Variants in ENDOV observed in about 807,000 individuals in gnomAD.
ENDOV encodes hEndoV.
ENDOV carries 37 observed loss-of-function variants against 39.4 expected under a neutral mutation model. The observed-to-expected ratio is 0.94, with a 90% CI of 0.72 to 1.23. The LOEUF (loss-of-function observed/expected upper bound fraction) is 1.23, where lower values mean the gene tolerates loss of function less well. ENDOV is among the 50% of genes most tolerant of loss of function. ENDOV has a pLI of 0.00. For missense variants in ENDOV, 441 were observed against 375.7 expected (o/e 1.17, Z -1.44); for synonymous variants, 186 against 163.4 (o/e 1.14, Z -1.05).
In ENDOV at chr17:80,436,120, C is replaced by T. The variant is rs1307488738; in HGVS notation, c.839-13C>T. On this transcript the variant is annotated splice_polypyrimidine_tract_variant and intron_variant, in intron 9 of 9. Coordinates refer to ENST00000518137, the MANE Select transcript of ENDOV (RefSeq NM_173627.5). Reference sequence around the variant, plus strand: ...TCTTTTTCTTGCCTCATTGCTCTGGCTGGAACGTCTAGCACTTTGTTGAAC... The same window carrying T: ...TCTTTTTCTTGCCTCATTGCTCTGGTTGGAACGTCTAGCACTTTGTTGAAC... The T allele has an allele frequency of 3.7e-6, 6 of 1,610,652 alleles. No individual in the cohort carries two copies. The highest frequency in any genetic ancestry group is 4.2e-6 in the Non-Finnish European group (5 of 1,179,370).
At position 80,428,397 on chromosome 17, in the gene ENDOV, G is replaced by A. The variant is rs1052244250; in HGVS notation, c.715-199G>A. The A allele has an allele frequency of 2.0e-5, 12 of 595,682 alleles. No individual in the cohort carries two copies. In the African/African-American group the frequency reaches 2.1e-4, roughly 10 times the overall value. 36.9% of individuals were successfully genotyped at this position (595,682 alleles called of 1,614,324 possible). A position where few individuals can be genotyped will look rare whatever the true frequency, so the allele number is the denominator to read the frequency against. Reference sequence around the variant, plus strand: ...TCGGTTTGAGAGCTGCCATTGCGGGGCTTTGACCCCAAAGTCCCAGGCATG... The same window carrying A: ...TCGGTTTGAGAGCTGCCATTGCGGGACTTTGACCCCAAAGTCCCAGGCATG... On this transcript the variant is annotated intron_variant, in intron 7 of 9. Coordinates refer to ENST00000518137, the MANE Select transcript of ENDOV (RefSeq NM_173627.5).
chr17:80,429,623 G>C, intron 8 of ENDOV, 150 bp from the exon 9 acceptor site: 1 of 699,160 alleles, frequency 1.4e-6, no homozygotes, highest in Non-Finnish European at 2.3e-6. Flanking sequence ...GCGTGTCTGA[G>C]CAGCGTGCTC....
intron 9 of ENDOV, 128 bp from the exon 10 acceptor site, chr17:80,436,005 T>C: frequency 9.8e-7 from 1 of 1,023,158 alleles, no homozygotes; most frequent in Non-Finnish European, 1.5e-6. Flanking sequence ...TCCTCCCACC[T>C]CGGCCTCCCC....
At chr17:80,423,484 C>T (rs1156904464) in intron 4 of ENDOV, 36 bp from the exon 5 acceptor site, 1 of 1,286,692 alleles carries the variant, frequency 7.8e-7, no homozygotes, top group African/African-American at 1.5e-5. Context: ...GCCCCAGCCC[C>T]ACCTCCCCAA....
At chr17:80,426,100 G>A (rs191679996) in intron 7 of ENDOV, among the ~76,000 whole-genome samples, 54 of 152,228 alleles carry the variant, frequency 3.5e-4, no homozygotes, top group Middle Eastern at 6.8e-3. Flanking sequence ...ACTGGTGTTC[G>A]GTCCCCCAGG....
chr17:80,425,925 A>T (rs1245747091), intron 7 of ENDOV, among the ~76,000 whole-genome samples: 1 of 152,102 alleles, frequency 6.6e-6, no homozygotes, highest in Non-Finnish European at 1.5e-5. Flanking sequence ...AGAATCAGTG[A>T]TGTTAGCTCA....
At position 80,437,853 on chromosome 17, in the gene ENDOV, A is replaced by G. The variant is rs922692459; in HGVS notation, c.*1710A>G. On this transcript the variant is annotated 3_prime_UTR_variant, in exon 10 of 10. Coordinates refer to ENST00000518137, the MANE Select transcript of ENDOV (RefSeq NM_173627.5). The stretch of plus-strand genomic sequence containing the variant: ...GATTATGCTTCTGTAATCTGTAACC[A>G]GAAGTGCTCTTATGCCCAAACCTTG... 6.6e-6 allele frequency: 1 copy of G among 152,222 alleles called. No individual in the cohort carries two copies. The highest frequency in any genetic ancestry group is 1.5e-5 in the Non-Finnish European group (1 of 68,050). 9.4% of individuals were successfully genotyped at this position (152,222 alleles called of 1,614,324 possible). A position where few individuals can be genotyped will look rare whatever the true frequency, so the allele number is the denominator to read the frequency against.
chr17:80,416,019 C>G, intron 2 of ENDOV, 198 bp downstream of exon 2: 2 of 584,886 alleles, frequency 3.4e-6, no homozygotes, highest in East Asian at 7.6e-5. Flanking sequence ...GGGGGAATCA[C>G]CTGAGGTCGG....
At chr17:80,433,374 GTCA>G (rs2083440005) in intron 9 of ENDOV, among the ~76,000 whole-genome samples, 1 of 152,242 alleles carries the variant, frequency 6.6e-6, no homozygotes, top group Non-Finnish European at 1.5e-5. Context: ...CCACAAGGCC[GTCA>G]GTCCGCCATG....
chr17:80,431,691 G>A (rs979775363), intron 9 of ENDOV, among the ~76,000 whole-genome samples: 1 of 152,214 alleles, frequency 6.6e-6, no homozygotes, highest in Non-Finnish European at 1.5e-5. Flanking sequence ...TGGGCCTGTC[G>A]GGGATCTAGC....
At chr17:80,417,271 C>T (rs2081338426) in intron 2 of ENDOV, 1 of 152,298 alleles carries the variant, frequency 6.6e-6, no homozygotes, top group Non-Finnish European at 1.5e-5. Flanking sequence ...ATTTGGCGGC[C>T]TGACCTTTGC....
In ENDOV at chr17:80,437,583, G is replaced by C. The variant is rs776279919; in HGVS notation, c.*1440G>C. The C allele has an allele frequency of 2.0e-5, 3 of 152,478 alleles. No homozygotes were observed. Among genetic ancestry groups the C allele is most frequent in the African/African-American group, 7.2e-5 (3 of 41,448 alleles). The allele number at this position is 152,478 out of a possible 1,614,324, so 9.4% of individuals were successfully genotyped here. A position where few individuals can be genotyped will look rare whatever the true frequency, so the allele number is the denominator to read the frequency against. On this transcript the variant is annotated 3_prime_UTR_variant, in exon 10 of 10. Transcript: ENST00000518137. ...GTGTGTGCCAGGGGTCTTCAGCCCC[G>C]GCTGATGGCCACATGAACCACATGA...
rs911430247 is a variant in ENDOV, at chr17:80,422,050, G to A, written c.363+88G>A. The A allele has an allele frequency of 5.7e-6, 9 of 1,569,764 alleles. No homozygotes were observed. In the Admixed American group the frequency reaches 1.6e-4, roughly 28 times the overall value. ...GCTGCAGGTCGCCACCACCACAGTG[G>A]CAGGGAGAGACTCATGAGCTTCCTG... On this transcript the variant is annotated intron_variant, in intron 3 of 9. Transcript: ENST00000518137.
At chr17:80,421,755 G>A in intron 2 of ENDOV, 73 bp from the exon 3 acceptor site, 2 of 1,532,362 alleles carry the variant, frequency 1.3e-6, no homozygotes, top group Non-Finnish European at 1.8e-6. Flanking sequence ...AGGGGGGCAG[G>A]GCATGGACGG....
intron 7 of ENDOV, chr17:80,427,892 C>T (rs1040030887): frequency 2.9e-5 from 36 of 1,228,616 alleles, no homozygotes; most frequent in Middle Eastern, 3.3e-4. Flanking sequence ...CCACTTCCCC[C>T]ATGAATGGAA....
In ENDOV at chr17:80,415,777, C is replaced by T. The variant is rs377339183; in HGVS notation, c.184C>T (p.Arg62Cys). 53 of 1,603,996 alleles carry T rather than the reference C, an allele frequency of 3.3e-5. No homozygotes were observed. In the Middle Eastern group the frequency reaches 1.0e-3, roughly 31 times the overall value. Reference sequence around the variant, plus strand: ...GTCCTTCGTGAAAGGGGACAGTGTCCGCGCTTGTGCTTCCCTGGTGGTGCT... The same window carrying T: ...GTCCTTCGTGAAAGGGGACAGTGTCTGCGCTTGTGCTTCCCTGGTGGTGCT... ...DVSFVKGDSV[R>C]ACASLVVLSF... The change falls in exon 2 of 10, where the codon CGC becomes TGC. Residue 62 changes from arginine (R) to cysteine (C), a missense_variant. Arg to Cys is a radical substitution (Grantham distance 180). Coordinates refer to ENST00000518137, the MANE Select transcript of ENDOV (RefSeq NM_173627.5).
chr17:80,427,032 C>T (rs919065054), intron 7 of ENDOV, among the ~76,000 whole-genome samples: 2 of 152,270 alleles, frequency 1.3e-5, no homozygotes, highest in African/African-American at 4.8e-5. Flanking sequence ...GGCCTTCCGG[C>T]TGCTGGCGCG....
intron 7 of ENDOV, chr17:80,427,870 C>T (rs1343527987): frequency 1.6e-6 from 2 of 1,248,770 alleles, no homozygotes; most frequent in Admixed American, 5.2e-5. Flanking sequence ...GCTGGCCCCG[C>T]CTACCGCTGC....
intron 7 of ENDOV, among the ~76,000 whole-genome samples, chr17:80,428,292 CT>C (rs1385691709): frequency 6.6e-6 from 1 of 152,244 alleles, no homozygotes; most frequent in African/African-American, 2.4e-5. Context: ...CCAACTGCCA[CT>C]GGTGGGGAGG....
Sources: gnomAD v4.1 joint callset for allele counts (sites outside exome capture counted in the v4.1 genomes callset) on GRCh38, gnomAD v4.1.1 for gene constraint, MANE v1.5 for transcripts, NCBI Gene and HGNC (gene_info 2026-07-23, HGNC 2026-07-21) for gene names.